The following MAGI3 variants were observed in gnomAD, a reference collection of about 807,000 sequenced individuals.
The protein encoded by MAGI3 is membrane associated guanylate kinase, WW and PDZ domain containing 3.
Under a neutral mutation model 121.8 loss-of-function variants are expected in MAGI3, and 43 were observed. The observed-to-expected ratio is 0.35, with a 90% CI of 0.28 to 0.46. MAGI3 has a LOEUF of 0.46. MAGI3 is among the 20% of genes least tolerant of loss of function. The pLI, the probability that MAGI3 is intolerant of heterozygous loss-of-function variation, is 1.00. For missense variants in MAGI3, 1,547 were observed against 1,797.3 expected (o/e 0.86, Z 2.52); for synonymous variants, 553 against 639.3 (o/e 0.86, Z 2.04).
At chr1:113,423,292 G>C (rs1310149806) in intron 1 of MAGI3, among the ~76,000 whole-genome samples, 1 of 146,016 alleles carries the variant, frequency 6.8e-6, no homozygotes, top group Non-Finnish European at 1.5e-5. Context: ...TTGTTTTTGA[G>C]ACGTAGTCTC....
chr1:113,449,149 CAG>C lies in MAGI3; in HGVS notation c.316+57801_316+57802del, dbSNP rs916262491. Among the ~76,000 whole-genome samples the C allele has an allele frequency of 2.5e-4, 38 of 150,970 alleles. 1 individual carries two copies. Among genetic ancestry groups the C allele is most frequent in the Non-Finnish European group, 1.0e-4 (7 of 67,742 alleles). Reference sequence around the variant, plus strand: ...AAAAAAAAAGAATATTTTGCAATATCAGGGGGCAATAATGTGATATGCTGGAT... The same window carrying C: ...AAAAAAAAAGAATATTTTGCAATATCGGGGCAATAATGTGATATGCTGGAT... On this transcript the variant is annotated intron_variant, in intron 1 of 20. Coordinates refer to ENST00000307546, the MANE Select transcript of MAGI3 (RefSeq NM_001142782.2).
rs1654403307 is a variant in MAGI3 at position 113,450,174 on chromosome 1, T to C, written c.316+58825T>C. ...CTTTTGATGAGCATGATACAGTTGA[T>C]AAAATTGTTGTTCAGAAATACCACA... On this transcript the variant is annotated intron_variant, in intron 1 of 20. Coordinates refer to ENST00000307546, the MANE Select transcript of MAGI3 (RefSeq NM_001142782.2). 2.0e-6 allele frequency: 3 copies of C among 1,524,838 alleles called. No individual in the cohort carries two copies. The East Asian group carries it at 6.7e-5, about 34-fold the overall frequency. The allele number at this position is 1,524,838 out of a possible 1,614,324, so 94.5% of individuals were successfully genotyped here.
intron 1 of MAGI3, among the ~76,000 whole-genome samples, chr1:113,505,942 G>A (rs143319438): frequency 1.3e-5 from 2 of 152,302 alleles, no homozygotes; most frequent in South Asian, 2.1e-4. Flanking sequence ...TATTCTGGTT[G>A]TGATGGGAAG....
At chr1:113,424,218 C>T (rs565508194) in intron 1 of MAGI3, among the ~76,000 whole-genome samples, 4 of 148,518 alleles carry the variant, frequency 2.7e-5, no homozygotes, top group South Asian at 2.2e-4. Flanking sequence ...CCCCGCCCCC[C>T]GCTGCAGCTG....
At chr1:113,634,884 T>C (rs543208392) in intron 9 of MAGI3, among the ~76,000 whole-genome samples, 6 of 152,290 alleles carry the variant, frequency 3.9e-5, no homozygotes, top group Non-Finnish European at 8.8e-5. Context: ...GTTCTTCCAT[T>C]TCTTTGTATC....
chr1:113,617,412 A>T (rs558219686), intron 7 of MAGI3, among the ~76,000 whole-genome samples: 1 of 152,222 alleles, frequency 6.6e-6, no homozygotes, highest in Non-Finnish European at 1.5e-5. Flanking sequence ...TAGTGTAGGT[A>T]TAAGTAATTA....
chr1:113,629,765 T>TCTCCCTCC (rs1557861486), intron 9 of MAGI3, among the ~76,000 whole-genome samples: 1 of 106,236 alleles, frequency 9.4e-6, no homozygotes, highest in Non-Finnish European at 2.0e-5. Flanking sequence ...TCTCTCTCCC[T>TCTCCCTCC]CCCTCCCTCC....
At chr1:113,495,132 A>T (rs1656856931) in intron 1 of MAGI3, among the ~76,000 whole-genome samples, 1 of 152,160 alleles carries the variant, frequency 6.6e-6, no homozygotes, top group Non-Finnish European at 1.5e-5. Flanking sequence ...AAGAAATGCA[A>T]CAAAATTGAA....
intron 2 of MAGI3, among the ~76,000 whole-genome samples, chr1:113,551,578 A>G (rs972032927): frequency 2.0e-5 from 3 of 152,070 alleles, no homozygotes; most frequent in African/African-American, 2.4e-5. Context: ...CCTTTATTTC[A>G]ATTTGTATTT....
chr1:113,425,336 G>A (rs1652952066), intron 1 of MAGI3, among the ~76,000 whole-genome samples: 1 of 123,428 alleles, frequency 8.1e-6, no homozygotes, highest in Admixed American at 1.0e-4. Flanking sequence ...AGGCTAGAGT[G>A]CAGTGGCGCG....
Position 113,646,597 on chromosome 1 carries a change from C to T in MAGI3, c.2110C>T (p.Pro704Ser). 1 of 1,611,724 alleles carries T rather than the reference C, an allele frequency of 6.2e-7. No individual in the cohort carries two copies. The highest frequency in any genetic ancestry group is 2.2e-5 in the East Asian group (1 of 44,844). Reference protein sequence around the residue: ...IIRSGSPKLDPSEVYLKSKTL... With the variant: ...IIRSGSPKLDSSEVYLKSKTL... ...CAGGTCAGGATCCCCAAAATTGGAT[C>T]CTTCTGAGGTCTACCTGAAATCTAA... The change falls in exon 12 of 21, where the codon CCT becomes TCT. Residue 704 changes from proline (P) to serine (S), a missense_variant. Transcript: ENST00000307546.
At chr1:113,682,582 T>G (rs1648286480) in intron 20 of MAGI3, 2 of 1,231,290 alleles carry the variant, frequency 1.6e-6, no homozygotes, top group Non-Finnish European at 2.0e-6. Flanking sequence ...TTGGTTCAGC[T>G]TTATAACTTG....
chr1:113,583,380 A>G (rs1484013308), intron 3 of MAGI3, among the ~76,000 whole-genome samples: 6 of 152,000 alleles, frequency 3.9e-5, no homozygotes, highest in African/African-American at 1.4e-4. Flanking sequence ...ACTGCCCAAA[A>G]TTATTATGAA....
intron 1 of MAGI3, among the ~76,000 whole-genome samples, chr1:113,398,363 G>A (rs1467253257): frequency 6.6e-6 from 1 of 152,010 alleles, no homozygotes; most frequent in African/African-American, 2.4e-5. Flanking sequence ...ATCATGCAGT[G>A]GTAATTGGAA....
chr1:113,565,108 C>G (rs1660390496), intron 2 of MAGI3, among the ~76,000 whole-genome samples: 1 of 151,998 alleles, frequency 6.6e-6, no homozygotes, highest in African/African-American at 2.4e-5. Flanking sequence ...CCTCAGCCTC[C>G]CAAAGTGCTG....
At chr1:113,531,369 G>T (rs1420163776) in intron 1 of MAGI3, among the ~76,000 whole-genome samples, 2 of 152,040 alleles carry the variant, frequency 1.3e-5, no homozygotes, top group African/African-American at 4.8e-5. Flanking sequence ...TTTTAGTTAG[G>T]TTTAATTTTT....
At chr1:113,447,854 CA>C (rs141135630) in intron 1 of MAGI3, among the ~76,000 whole-genome samples, 167 of 144,424 alleles carry the variant, frequency 1.2e-3, no homozygotes, top group Admixed American at 1.2e-3. Flanking sequence ...GACTGTGTCT[CA>C]AAAAAAAAAA....
At chr1:113,605,073 T>C (rs1376781978) in intron 6 of MAGI3, among the ~76,000 whole-genome samples, 1 of 151,850 alleles carries the variant, frequency 6.6e-6, no homozygotes, top group Non-Finnish European at 1.5e-5. Flanking sequence ...ACTAGCATTT[T>C]CATTTATTGT....
chr1:113,604,797 A>G (rs138922733), intron 6 of MAGI3, among the ~76,000 whole-genome samples: 3,940 of 151,480 alleles, frequency 0.026, 74 homozygotes, highest in Non-Finnish European at 0.041. Flanking sequence ...ACAAAGTCGT[A>G]TAATAGACAT....
Sources: allele counts gnomAD v4.1 joint callset (sites outside exome capture counted in the v4.1 genomes callset), GRCh38; gene constraint gnomAD v4.1.1; transcripts MANE v1.5; gene names NCBI Gene and HGNC (gene_info 2026-07-23, HGNC 2026-07-21).